GRM8: variants seen among roughly 807,000 people sequenced by gnomAD.
The protein encoded by GRM8 is glutamate metabotropic receptor 8.
A neutral mutation model predicts 87.2 loss-of-function variants in GRM8; 47 were observed. That is an observed-to-expected ratio of 0.54 (90% confidence interval 0.43 to 0.69). The LOEUF is 0.69. Among genes scored for constraint, GRM8 ranks in the 30% least tolerant of loss-of-function variants. The pLI is 0.00. For missense variants in GRM8, 1,019 were observed against 1,139.2 expected, an observed-to-expected ratio of 0.89 and a Z score of 1.52; for synonymous variants, 396 against 404.5, an observed-to-expected ratio of 0.98 and a Z score of 0.25.
Position 127,130,990 on chromosome 7 carries a change from G to T in GRM8, c.511-24278C>A, listed in dbSNP as rs922931273. ...TCTCAGGTAATAATTTTGTAGCAGT[G>T]TGATAACAGACTAATACAAAAAGGT... On this transcript the variant is annotated intron_variant, in intron 2 of 10. Transcript: ENST00000339582. Among the ~76,000 whole-genome samples the T allele has an allele frequency of 2.6e-5, 4 of 152,188 alleles. No homozygotes were observed. In the East Asian group the frequency reaches 5.8e-4, roughly 22 times the overall value.
chr7:126,581,823 C>G (rs1334376677), intron 8 of GRM8, among the ~76,000 whole-genome samples: 2 of 152,012 alleles, frequency 1.3e-5, no homozygotes. Context: ...TGTTTTGTTA[C>G]TATTGTAATT....
chr7:126,634,044 A>G (rs1318824830), intron 7 of GRM8, among the ~76,000 whole-genome samples: 1 of 152,144 alleles, frequency 6.6e-6, no homozygotes, highest in Non-Finnish European at 1.5e-5. Context: ...GATAAACTAC[A>G]TAGAATTTAG....
chr7:126,493,707 A>C (rs768727968), intron 9 of GRM8, among the ~76,000 whole-genome samples: 5 of 152,028 alleles, frequency 3.3e-5, no homozygotes, highest in Admixed American at 6.6e-5. Context: ...GACCTCTATC[A>C]GGGTGCTTTT....
chr7:126,759,565 C>A (rs1817375147), intron 7 of GRM8, among the ~76,000 whole-genome samples: 1 of 152,102 alleles, frequency 6.6e-6, no homozygotes, highest in Non-Finnish European at 1.5e-5. Flanking sequence ...ATCCAAGGAC[C>A]TGGCACTGCT....
In GRM8 at chr7:127,108,724, T is replaced by C. The variant is rs544109290; in HGVS notation, c.511-2012A>G. On this transcript the variant is annotated intron_variant, in intron 2 of 10. Transcript: ENST00000339582. ...CAGGCTGTTTAATTAGCAGTCAGCC[T>C]CATGTTTAGGATTAATTAAACAGGT... Among the ~76,000 whole-genome samples the C allele has an allele frequency of 1.8e-3, 276 of 152,312 alleles. 2 individuals are homozygous for C. The highest frequency in any genetic ancestry group is 6.8e-3 in the Middle Eastern group (2 of 294).
chr7:126,456,237 G>A (rs1803208384), intron 9 of GRM8, among the ~76,000 whole-genome samples: 2 of 151,408 alleles, frequency 1.3e-5, no homozygotes, highest in Non-Finnish European at 3.0e-5. Context: ...CAAGATCCTA[G>A]TAAGGAAAAA....
intron 9 of GRM8, among the ~76,000 whole-genome samples, chr7:126,453,810 T>C (rs902563038): frequency 2.0e-5 from 3 of 151,810 alleles, no homozygotes; most frequent in Admixed American, 1.3e-4. Context: ...TATATGAGAA[T>C]TATTTACAGA....
intron 6 of GRM8, among the ~76,000 whole-genome samples, chr7:126,857,386 G>C (rs986404409): frequency 3.9e-5 from 6 of 152,174 alleles, no homozygotes; most frequent in African/African-American, 1.4e-4. Flanking sequence ...ATGGGTAGAA[G>C]ACATGTCTCA....
chr7:127,094,975 G>A (rs1824497529), intron 3 of GRM8, among the ~76,000 whole-genome samples: 1 of 152,114 alleles, frequency 6.6e-6, no homozygotes, highest in Non-Finnish European at 1.5e-5. Flanking sequence ...AGGGGGTCAG[G>A]GCCCCATACA....
At chr7:126,739,548 T>C (rs1563140514) in intron 7 of GRM8, among the ~76,000 whole-genome samples, 1 of 152,134 alleles carries the variant, frequency 6.6e-6, no homozygotes. Flanking sequence ...TAATATTTAA[T>C]AGCAGTGTTT....
intron 3 of GRM8, among the ~76,000 whole-genome samples, chr7:127,015,057 A>AGAG (rs1815361162): frequency 8.4e-6 from 1 of 119,572 alleles, no homozygotes; most frequent in African/African-American, 2.9e-5. Flanking sequence ...AAGAAGAAGA[A>AGAG]GAAGAAGAAG....
At chr7:126,714,618 G>C (rs1025015910) in intron 7 of GRM8, among the ~76,000 whole-genome samples, 5 of 151,964 alleles carry the variant, frequency 3.3e-5, no homozygotes, top group Admixed American at 6.6e-5. Flanking sequence ...AGTGTAATGG[G>C]AGCCCAGATG....
intron 3 of GRM8, among the ~76,000 whole-genome samples, chr7:127,065,219 G>A (rs1820992535): frequency 6.6e-6 from 1 of 152,198 alleles, no homozygotes; most frequent in South Asian, 2.1e-4. Flanking sequence ...TTTTTTGCGG[G>A]AACATGCAAT....
chr7:127,015,557 AG>A (rs1349494680), intron 3 of GRM8, among the ~76,000 whole-genome samples: 1 of 152,170 alleles, frequency 6.6e-6, no homozygotes, highest in Non-Finnish European at 1.5e-5. Context: ...CATAAGGTAC[AG>A]GCTATTCAAC....
At chr7:126,755,562 A>C (rs1816908536) in intron 7 of GRM8, among the ~76,000 whole-genome samples, 2 of 151,900 alleles carry the variant, frequency 1.3e-5, no homozygotes. Flanking sequence ...GAATTTATTG[A>C]CTCTAGTATG....
chr7:126,706,292 G>A (rs1478747759), intron 7 of GRM8, among the ~76,000 whole-genome samples: 3 of 152,098 alleles, frequency 2.0e-5, no homozygotes, highest in Admixed American at 6.6e-5. Flanking sequence ...TTATTATGGT[G>A]ACTGACAAAT....
chr7:126,985,888 G>T lies in GRM8; in HGVS notation c.728-81205C>A, dbSNP rs1187509520. On this transcript the variant is annotated intron_variant, in intron 3 of 10. Transcript: ENST00000339582. ...AAGTTTCAACATAAGTTTTGGAGGG[G>T]ACATTTAAATCATAGCAGTAACTGA... 7.9e-5 allele frequency among the ~76,000 whole-genome samples: 12 copies of T among 152,278 alleles called. No individual in the cohort carries two copies. The East Asian group carries it at 2.1e-3, about 27-fold the overall frequency.
intron 3 of GRM8, among the ~76,000 whole-genome samples, chr7:126,914,057 G>A (rs1233003889): frequency 6.6e-6 from 1 of 152,274 alleles, no homozygotes; most frequent in Middle Eastern, 3.4e-3. Flanking sequence ...TACAGAAGAG[G>A]CATGTGCTAC....
chr7:126,815,483 A>C (rs1393970077), intron 6 of GRM8, among the ~76,000 whole-genome samples: 4 of 152,178 alleles, frequency 2.6e-5, no homozygotes, highest in Non-Finnish European at 5.9e-5. Flanking sequence ...AATACACATC[A>C]GTCTTAACTC....
Sources: gnomAD v4.1 joint callset for allele counts (sites outside exome capture counted in the v4.1 genomes callset) on GRCh38, gnomAD v4.1.1 for gene constraint, MANE v1.5 for transcripts, NCBI Gene and HGNC (gene_info 2026-07-23, HGNC 2026-07-21) for gene names.